AGBL4: variants seen among roughly 807,000 people sequenced by gnomAD.
AGBL4 encodes cytosolic carboxypeptidase 6.
A neutral mutation model predicts 66.4 loss-of-function variants in AGBL4; 58 were observed. The ratio of observed to expected loss-of-function variants is 0.87; its 90% CI spans 0.71 to 1.09. The LOEUF is 1.09. Among genes scored for constraint, AGBL4 ranks in the 50% least tolerant of loss-of-function variants. AGBL4 has a pLI of 0.00. For missense variants in AGBL4, 579 were observed against 631.0 expected (o/e 0.92, Z 0.88); for synonymous variants, 234 against 222.9 (o/e 1.05, Z -0.44).
Position 48,663,237 on chromosome 1 carries a change from A to C in AGBL4, c.639T>G (p.Asn213Lys). 1.2e-6 allele frequency: 2 copies of C among 1,613,712 alleles called. No homozygotes were observed. Among genetic ancestry groups the C allele is most frequent in the Non-Finnish European group, 1.7e-6 (2 of 1,179,810 alleles). ...CCTTCTGCTCTGCCCCTTCCCGGAG[A>C]TTGTCTGTAAGATAAAATGAAAGAT... ...LDLLTITSPD[N>K]LREGAEQKVV... Residue 213 changes from asparagine (N) to lysine (K), a missense_variant, in exon 7 of 14, where the codon AAT (asparagine) becomes AAG (lysine). Physicochemically the swap from Asn to Lys is moderately conservative, Grantham distance 94. Coordinates refer to ENST00000371839, the MANE Select transcript of AGBL4 (RefSeq NM_032785.4).
intron 6 of AGBL4, among the ~76,000 whole-genome samples, chr1:48,673,889 GC>G (rs1474485789): frequency 6.6e-6 from 1 of 152,134 alleles, no homozygotes; most frequent in Non-Finnish European, 1.5e-5. Flanking sequence ...GCTCAACACC[GC>G]CCCCATTGCA....
intron 3 of AGBL4, among the ~76,000 whole-genome samples, chr1:49,519,985 T>G (rs1320509584): frequency 6.6e-6 from 1 of 152,014 alleles, no homozygotes; most frequent in African/African-American, 2.4e-5. Flanking sequence ...AGGGCCCCAG[T>G]AGTGGTTTAA....
chr1:49,536,678 T>G (rs1018535693), intron 3 of AGBL4, among the ~76,000 whole-genome samples: 12 of 152,038 alleles, frequency 7.9e-5, no homozygotes, highest in Admixed American at 7.2e-4. Context: ...AGTAACAAAA[T>G]AGCATGGTAT....
At chr1:49,522,630 T>C (rs1650355491) in intron 3 of AGBL4, among the ~76,000 whole-genome samples, 1 of 152,130 alleles carries the variant, frequency 6.6e-6, no homozygotes, top group Non-Finnish European at 1.5e-5. Context: ...TTCATGATCC[T>C]GGCTTTTATT....
intron 5 of AGBL4, among the ~76,000 whole-genome samples, chr1:49,017,281 T>C (rs1383617600): frequency 6.6e-6 from 1 of 152,192 alleles, no homozygotes; most frequent in Non-Finnish European, 1.5e-5. Context: ...ACCGAAGTCA[T>C]AGTAGACCCT....
chr1:49,295,854 A>G (rs1356091957), intron 3 of AGBL4, among the ~76,000 whole-genome samples: 1 of 152,150 alleles, frequency 6.6e-6, no homozygotes, highest in Non-Finnish European at 1.5e-5. Context: ...CAAGACATCT[A>G]TAGTTTACTG....
intron 6 of AGBL4, chr1:48,760,958 G>A (rs1644226963): frequency 6.0e-6 from 1 of 167,254 alleles, no homozygotes; most frequent in Admixed American, 5.9e-5. Flanking sequence ...TAGCTATCTG[G>A]GGCACTCTGA....
intron 3 of AGBL4, among the ~76,000 whole-genome samples, chr1:49,250,212 C>T (rs1239825455): frequency 2.0e-5 from 3 of 151,926 alleles, no homozygotes; most frequent in Non-Finnish European, 4.4e-5. Flanking sequence ...ATAGGTAGAA[C>T]AGAATTATAA....
intron 2 of AGBL4, among the ~76,000 whole-genome samples, chr1:49,818,633 C>T (rs1645289955): frequency 6.6e-6 from 1 of 151,936 alleles, no homozygotes; most frequent in African/African-American, 2.4e-5. Flanking sequence ...TCCCAGAGTG[C>T]TGCGATAATC....
chr1:49,179,475 T>G (rs557203896), intron 4 of AGBL4, among the ~76,000 whole-genome samples: 1 of 152,224 alleles, frequency 6.6e-6, no homozygotes, highest in South Asian at 2.1e-4. Flanking sequence ...GTATTCCTGG[T>G]GCCTCATACT....
intron 5 of AGBL4, among the ~76,000 whole-genome samples, chr1:48,882,096 C>G (rs3923544): frequency 0.5 from 76,598 of 152,064 alleles, 22,264 homozygotes; most frequent in Non-Finnish European, 0.67. Context: ...TCTAGCTTTG[C>G]TGCCCTTGGG....
At chr1:48,563,330 C>T (rs888368241) in intron 11 of AGBL4, among the ~76,000 whole-genome samples, 5 of 152,208 alleles carry the variant, frequency 3.3e-5, no homozygotes, top group Non-Finnish European at 7.3e-5. Flanking sequence ...TTGCTAATGA[C>T]AAGAGTTACT....
intron 5 of AGBL4, among the ~76,000 whole-genome samples, chr1:48,941,833 G>A (rs1231748364): frequency 6.6e-6 from 1 of 152,178 alleles, no homozygotes; most frequent in Non-Finnish European, 1.5e-5. Flanking sequence ...AGTCATGTAA[G>A]AGTTGGGATT....
intron 3 of AGBL4, among the ~76,000 whole-genome samples, chr1:49,662,625 AG>A (rs1253312678): frequency 1.3e-5 from 2 of 152,250 alleles, no homozygotes; most frequent in Non-Finnish European, 2.9e-5. Context: ...TTTTTGGCCT[AG>A]AAATCTGAAG....
At chr1:49,909,675 T>C (rs1476943404) in intron 1 of AGBL4, among the ~76,000 whole-genome samples, 1 of 152,142 alleles carries the variant, frequency 6.6e-6, no homozygotes, top group Admixed American at 6.6e-5. Context: ...CAGAAGATTT[T>C]GAGATGACAT....
In AGBL4 at chr1:49,863,119, A is replaced by G. The variant is rs372695265; in HGVS notation, c.35-11601T>C. Among the ~76,000 whole-genome samples, 50 of 152,324 alleles carry G rather than the reference A, an allele frequency of 3.3e-4. 1 individual carries two copies. The South Asian group carries it at 9.5e-3, about 29-fold the overall frequency. On this transcript the variant is annotated intron_variant, in intron 1 of 13. Transcript: ENST00000371839. ...CACATATACCAATGGAACAAAATAG[A>G]GCACACAGAAACAAACACATGTACA... is the stretch of plus-strand genomic sequence containing the variant.
intron 8 of AGBL4, among the ~76,000 whole-genome samples, chr1:48,644,461 G>A (rs148922431): frequency 1.1e-3 from 161 of 152,300 alleles, no homozygotes; most frequent in Non-Finnish European, 1.8e-3. Flanking sequence ...TAAGGGCAGC[G>A]CGGGGGCCAA....
chr1:48,723,827 A>G (rs890121257), intron 6 of AGBL4, among the ~76,000 whole-genome samples: 1 of 152,230 alleles, frequency 6.6e-6, no homozygotes, highest in Non-Finnish European at 1.5e-5. Flanking sequence ...ACCACTTAAG[A>G]GAAAACACTG....
At chr1:49,239,544 T>C (rs1290847780) in intron 4 of AGBL4, among the ~76,000 whole-genome samples, 2 of 152,220 alleles carry the variant, frequency 1.3e-5, no homozygotes, top group Admixed American at 1.3e-4. Context: ...GAGAAAAATA[T>C]TAAAATTGTT....
Sources: allele counts gnomAD v4.1 joint callset (sites outside exome capture counted in the v4.1 genomes callset), GRCh38; gene constraint gnomAD v4.1.1; transcripts MANE v1.5; gene names NCBI Gene and HGNC (gene_info 2026-07-23, HGNC 2026-07-21).